The following CPA5 variants were observed in gnomAD, a reference collection of about 807,000 sequenced individuals.
The protein encoded by CPA5 is carboxypeptidase A5, also known as testicular tissue protein Li 32.
CPA5 carries 38 observed loss-of-function variants against 52.2 expected under a neutral mutation model. That is an observed-to-expected ratio of 0.73 (90% CI 0.56 to 0.95). CPA5 has a LOEUF of 0.95. CPA5 is among the 40% of genes least tolerant of loss of function. The pLI, the probability that CPA5 is intolerant of heterozygous loss-of-function variation, is 0.00. For missense variants in CPA5, 519 were observed against 566.7 expected (o/e 0.92, Z 0.86); for synonymous variants, 198 against 213.7 (o/e 0.93, Z 0.64).
intron 1 of CPA5, 71 bp downstream of exon 1, chr7:130,345,276 C>G (rs7800837): frequency 0.6 from 91,289 of 151,954 alleles, 27,602 homozygotes; most frequent in African/African-American, 0.65. Flanking sequence ...AGTTAATCGG[C>G]CATTCTGAGA....
chr7:130,370,281 A>G (rs1554409761), downstream of CPA5, among the ~76,000 whole-genome samples: 1 of 152,238 alleles, frequency 6.6e-6, no homozygotes, highest in African/African-American at 2.4e-5. Context: ...GGGAACAGCC[A>G]GCAGCAGAGG....
rs191040511 is a variant in CPA5, at chr7:130,346,540, C to T, written c.55C>T (p.Arg19Trp). 1.4e-4 allele frequency: 224 copies of T among 1,614,014 alleles called. 1 individual carries two copies. In the Admixed American group the frequency reaches 3.5e-3, roughly 25 times the overall value. The change falls in exon 3 of 13, where the codon CGG (arginine) becomes TGG (tryptophan). Residue 19 changes from arginine to tryptophan, a missense_variant. By Grantham distance (101) the Arg-to-Trp change is moderately radical. Transcript: ENST00000474905. ...CCCTGGGCCATCCCCCGTGGACAGGCGGACACTCCTGGTCTTCAGCTTTAT... is the reference window on the plus strand; with the variant it reads ...CCCTGGGCCATCCCCCGTGGACAGGTGGACACTCCTGGTCTTCAGCTTTAT... The part of the protein sequence containing the change: ...TRPGPSPVDR[R>W]TLLVFSFILA...
downstream of CPA5, among the ~76,000 whole-genome samples, chr7:130,371,569 GTCT>G (rs1554409932): frequency 2.0e-5 from 3 of 151,084 alleles, no homozygotes; most frequent in Admixed American, 1.3e-4. Flanking sequence ...CCAGATGGAG[GTCT>G]TCTTTTTTTT....
At chr7:130,369,069 G>C (rs1796255779), downstream of CPA5, among the ~76,000 whole-genome samples, 1 of 152,188 alleles carries the variant, frequency 6.6e-6, no homozygotes, top group Non-Finnish European at 1.5e-5. Context: ...TGCCTCGGTT[G>C]GCTTCACTTC....
Position 130,346,549 on chromosome 7 carries a change from C to T in CPA5, c.64C>T (p.Leu22=). ...GPSPVDRRTL[L]VFSFILAAAL... ...ATCCCCCGTGGACAGGCGGACACTC[C>T]TGGTCTTCAGCTTTATCCTGGCAGC... Residue 22 remains leucine, a synonymous_variant, in exon 3 of 13, where the codon CTG becomes TTG. Transcript: ENST00000474905. 6.2e-7 allele frequency: 1 copy of T among 1,614,092 alleles called. No homozygotes were observed.
intron 5 of CPA5, among the ~76,000 whole-genome samples, chr7:130,352,412 G>A (rs1163884838): frequency 5.3e-5 from 8 of 152,152 alleles, no homozygotes; most frequent in Admixed American, 5.2e-4. Context: ...AGCGACTGAT[G>A]GAGTGAGGGC....
At chr7:130,347,219 C>G (rs4731680) in intron 3 of CPA5, among the ~76,000 whole-genome samples, 26,076 of 152,200 alleles carry the variant, frequency 0.17, 2,532 homozygotes, top group African/African-American at 0.26. Flanking sequence ...CACCACAGGC[C>G]TCTTGGATAC....
At chr7:130,364,689 A>T (rs1795977779) in intron 10 of CPA5, among the ~76,000 whole-genome samples, 1 of 151,974 alleles carries the variant, frequency 6.6e-6, no homozygotes, top group Non-Finnish European at 1.5e-5. Flanking sequence ...TTTATTTTTG[A>T]CCCATTACTT....
rs1451598808 is a variant in CPA5 at position 130,345,212 on chromosome 7, G to C, written c.-152+7G>C. ...AAATAATGGAGTAGGGCAGGTGGGT[G>C]GGGGAGCAGGGCGTTCTGTCGATAA... On this transcript the variant is annotated splice_region_variant and intron_variant, in intron 1 of 12. Transcript: ENST00000474905. 1 of 152,304 alleles carries C rather than the reference G, an allele frequency of 6.6e-6. No homozygotes were observed. Among genetic ancestry groups the C allele is most frequent in the Non-Finnish European group, 1.5e-5 (1 of 68,034 alleles). The allele number at this position is 152,304 out of a possible 1,614,324, so 9.4% of individuals were successfully genotyped here.
chr7:130,360,551 T>G (rs782526193), intron 6 of CPA5, among the ~76,000 whole-genome samples: 7 of 152,264 alleles, frequency 4.6e-5, no homozygotes, highest in Non-Finnish European at 8.8e-5. Context: ...CATCCATCTA[T>G]TATCATCATC....
intron 10 of CPA5, among the ~76,000 whole-genome samples, chr7:130,365,608 CAG>C (rs1222096035): frequency 6.6e-6 from 1 of 152,218 alleles, no homozygotes; most frequent in Non-Finnish European, 1.5e-5. Context: ...CAGGCGGACT[CAG>C]AGGACCTTGA....
Position 130,349,609 on chromosome 7 carries a change from G to A in CPA5, c.199-366G>A, listed in dbSNP as rs113766063. On this transcript the variant is annotated intron_variant, in intron 4 of 12. Coordinates refer to ENST00000474905, the MANE Select transcript of CPA5 (RefSeq NM_080385.5). ...GGATTGTCTGTAACACAAAGAATAC[G>A]TGCTTGAGTGATAGATACCTCATTT... Among the ~76,000 whole-genome samples, 1,358 of 152,186 alleles carry A rather than the reference G, an allele frequency of 8.9e-3. 9 individuals are homozygous for A. Among genetic ancestry groups the A allele is most frequent in the Middle Eastern group, 0.02 (6 of 294 alleles).
At chr7:130,363,154 T>G (rs916247098) in intron 9 of CPA5, among the ~76,000 whole-genome samples, 160 bp downstream of exon 9, 2 of 152,190 alleles carry the variant, frequency 1.3e-5, no homozygotes, top group African/African-American at 4.8e-5. Context: ...CCTCTTGCCC[T>G]CTGACCTCTT....
rs781827908 is a variant in CPA5 at position 130,361,190 on chromosome 7, C to T, written c.480C>T (p.Val160=). The T allele has an allele frequency of 6.2e-7, 1 of 1,614,014 alleles. No homozygotes were observed. The highest frequency in any genetic ancestry group is 8.5e-7 in the Non-Finnish European group (1 of 1,179,918). Residue 160 remains valine (V), a synonymous_variant, in exon 7 of 13, where the codon GTC becomes GTT. Coordinates refer to ENST00000474905, the MANE Select transcript of CPA5 (RefSeq NM_080385.5). ...DNFVMEHSDI[V]SKIQIGNSFE... ...TTGTAATGGAGCATTCCGATATTGTCTCAAAAATTCAGATTGGCAACAGCT... is the reference window on the plus strand; with the variant it reads ...TTGTAATGGAGCATTCCGATATTGTTTCAAAAATTCAGATTGGCAACAGCT...
Position 130,362,446 on chromosome 7 carries a change from T to C in CPA5, c.543T>C (p.Thr181=). ...CCGATTCTTTTTCTCAGTTCAGCAC[T>C]GGAGGTTCTCGGCACCCAGCCATCT... ...NQSILVLKFS[T]GGSRHPAIWI... The change falls in exon 8 of 13, where the codon ACT becomes ACC. Residue 181 remains threonine (T), a synonymous_variant. Transcript: ENST00000474905. The C allele has an allele frequency of 6.2e-7, 1 of 1,611,700 alleles. No individual in the cohort carries two copies.
Position 130,368,461 on chromosome 7 carries a change from A to G in CPA5, c.1175A>G (p.Tyr392Cys), listed in dbSNP as rs782572537. 3.1e-6 allele frequency: 5 copies of G among 1,614,162 alleles called. No homozygotes were observed. Among genetic ancestry groups the G allele is most frequent in the East Asian group, 2.2e-5 (1 of 44,888 alleles). ...TGGGCCTATGACAGTGGCATCAAGTACGCCTTCAGCTTTGAGCTCCGGGAC... is the reference window on the plus strand; with the variant it reads ...TGGGCCTATGACAGTGGCATCAAGTGCGCCTTCAGCTTTGAGCTCCGGGAC... ...VDWAYDSGIKYAFSFELRDTG... is the reference protein window; with the variant it reads ...VDWAYDSGIKCAFSFELRDTG... Residue 392 changes from tyrosine (Y) to cysteine (C), a missense_variant, in exon 13 of 13, where the codon TAC becomes TGC. Physicochemically the swap from Tyr to Cys is radical, Grantham distance 194 (BLOSUM62 -2). Transcript: ENST00000474905.
chr7:130,353,534 G>A (rs1281412080), intron 5 of CPA5, among the ~76,000 whole-genome samples: 1 of 152,046 alleles, frequency 6.6e-6, no homozygotes, highest in Non-Finnish European at 1.5e-5. Flanking sequence ...GCCCTTCATC[G>A]GTGCCTCCAC....
chr7:130,372,924 A>T (rs1796308144), downstream of CPA5, among the ~76,000 whole-genome samples: 1 of 152,150 alleles, frequency 6.6e-6, no homozygotes, highest in South Asian at 2.1e-4. Context: ...GTTTTAGCCC[A>T]ACCCGCTCAT....
chr7:130,364,994 G>C (rs1181127027), intron 10 of CPA5, among the ~76,000 whole-genome samples: 10 of 152,254 alleles, frequency 6.6e-5, no homozygotes, highest in Admixed American at 6.5e-4. Context: ...CTCAGGGTTT[G>C]GCTCCACAGG....
Sources: allele counts gnomAD v4.1 joint callset (sites outside exome capture counted in the v4.1 genomes callset), GRCh38; gene constraint gnomAD v4.1.1; transcripts MANE v1.5; gene names NCBI Gene and HGNC (gene_info 2026-07-23, HGNC 2026-07-21).